The following RALGAPA1 variants were observed in gnomAD, a reference collection of about 807,000 sequenced individuals.
RALGAPA1 encodes Ral GTPase activating protein catalytic subunit alpha 1, also known as ral GTPase-activating protein subunit alpha-1.
RALGAPA1 carries 52 observed loss-of-function variants against 269.6 expected under a neutral mutation model. The observed-to-expected ratio is 0.19, with a 90% CI of 0.15 to 0.24. The LOEUF is 0.24. Among genes scored for constraint, RALGAPA1 ranks in the 10% least tolerant of loss-of-function variants. RALGAPA1 has a pLI of 1.00. For missense variants in RALGAPA1, 1,917 were observed against 3,013.9 expected (o/e 0.64, Z 8.52); for synonymous variants, 817 against 1,008.3 (o/e 0.81, Z 3.60).
chr14:35,699,196 A>G (rs1056243303), intron 17 of RALGAPA1, among the ~76,000 whole-genome samples: 8 of 152,210 alleles, frequency 5.3e-5, no homozygotes, highest in Non-Finnish European at 1.0e-4. Flanking sequence ...CAAAACAAGT[A>G]GGTTTCTTTG....
intron 18 of RALGAPA1, among the ~76,000 whole-genome samples, chr14:35,688,221 ATGT>A (rs1248302575): frequency 6.6e-5 from 10 of 152,288 alleles, no homozygotes; most frequent in Admixed American, 3.9e-4. Flanking sequence ...CCACTTTCCT[ATGT>A]TGTTGTTCAG....
rs1351941064 is a variant in RALGAPA1, at chr14:35,655,910, A to G, written c.5393T>C (p.Val1798Ala). The G allele has an allele frequency of 1.2e-6, 2 of 1,613,156 alleles. No individual in the cohort carries two copies. The highest frequency in any genetic ancestry group is 1.7e-6 in the Non-Finnish European group (2 of 1,179,596). The stretch of plus-strand genomic sequence containing the variant: ...CCAAATACCTAAACTACAAAGTGCT[A>G]CACATCTGCAAAAAAGGCAAACAAC... The part of the protein sequence containing the change: ...RDEPSGPARC[V>A]ALCSLGIWIC... The change falls in exon 29 of 42, where the codon GTA becomes GCA. Residue 1798 changes from valine to alanine, a missense_variant. Physicochemically the swap from Val to Ala is moderately conservative, Grantham distance 64 (BLOSUM62 0). Transcript: ENST00000680220.
At chr14:35,640,516 T>C (rs1304034502) in intron 31 of RALGAPA1, among the ~76,000 whole-genome samples, 1 of 152,122 alleles carries the variant, frequency 6.6e-6, no homozygotes, top group Non-Finnish European at 1.5e-5. Context: ...CCTAGACACA[T>C]AAAATCTATT....
At chr14:35,667,489 T>C (rs2064042841) in intron 26 of RALGAPA1, among the ~76,000 whole-genome samples, 1 of 152,218 alleles carries the variant, frequency 6.6e-6, no homozygotes, top group Non-Finnish European at 1.5e-5. Flanking sequence ...AAACGTAGTC[T>C]AAAGCAGTGC....
chr14:35,737,986 G>A (rs1307376676), intron 12 of RALGAPA1, among the ~76,000 whole-genome samples: 1 of 151,442 alleles, frequency 6.6e-6, no homozygotes, highest in Non-Finnish European at 1.5e-5. Flanking sequence ...TACTTGGGAG[G>A]CTGAGGCAGG....
chr14:35,802,853 T>G (rs1287598980), intron 1 of RALGAPA1, among the ~76,000 whole-genome samples: 1 of 151,864 alleles, frequency 6.6e-6, no homozygotes, highest in African/African-American at 2.4e-5. Context: ...AGCTATTTCT[T>G]TTTTTTCTCT....
intron 36 of RALGAPA1, among the ~76,000 whole-genome samples, chr14:35,599,416 C>T (rs1377186184): frequency 1.3e-5 from 2 of 152,160 alleles, no homozygotes; most frequent in Non-Finnish European, 2.9e-5. Context: ...TTTTGACCTT[C>T]TCTTCATTCC....
intron 36 of RALGAPA1, among the ~76,000 whole-genome samples, chr14:35,602,965 CA>C (rs978900461): frequency 8.5e-5 from 13 of 152,204 alleles, no homozygotes; most frequent in African/African-American, 3.1e-4. Flanking sequence ...GCATATGGCT[CA>C]TGGTCTCAGC....
chr14:35,551,815 T>C (rs1424135380), intron 39 of RALGAPA1, among the ~76,000 whole-genome samples: 1 of 152,068 alleles, frequency 6.6e-6, no homozygotes, highest in Non-Finnish European at 1.5e-5. Flanking sequence ...AGATATAACA[T>C]ACTCATTTTG....
intron 1 of RALGAPA1, among the ~76,000 whole-genome samples, chr14:35,776,947 C>G (rs2075080216): frequency 6.6e-6 from 1 of 151,922 alleles, no homozygotes; most frequent in Admixed American, 6.6e-5. Context: ...CTCTCATAAT[C>G]TCTGAGATCC....
At chr14:35,699,637 T>G (rs1595196250) in intron 17 of RALGAPA1, among the ~76,000 whole-genome samples, 1 of 152,092 alleles carries the variant, frequency 6.6e-6, no homozygotes, top group African/African-American at 2.4e-5. Flanking sequence ...ATATGTAATA[T>G]AAATACAAAG....
At chr14:35,602,184 T>C (rs1407521695) in intron 36 of RALGAPA1, among the ~76,000 whole-genome samples, 5 of 152,206 alleles carry the variant, frequency 3.3e-5, no homozygotes, top group African/African-American at 9.7e-5. Flanking sequence ...TTCCCTTTTA[T>C]TGGATACACC....
At chr14:35,690,346 A>T (rs1013776897) in intron 17 of RALGAPA1, among the ~76,000 whole-genome samples, 1 of 152,166 alleles carries the variant, frequency 6.6e-6, no homozygotes, top group African/African-American at 2.4e-5. Flanking sequence ...TTTCCTACTT[A>T]TTTACGTTCC....
chr14:35,571,242 G>A (rs2057164082), intron 38 of RALGAPA1, among the ~76,000 whole-genome samples: 1 of 152,154 alleles, frequency 6.6e-6, no homozygotes, highest in South Asian at 2.1e-4. Flanking sequence ...ACTCACTCAT[G>A]GTTTCAAAAC....
At chr14:35,783,228 G>C (rs905264038) in intron 1 of RALGAPA1, among the ~76,000 whole-genome samples, 1 of 152,016 alleles carries the variant, frequency 6.6e-6, no homozygotes, top group Non-Finnish European at 1.5e-5. Flanking sequence ...TGGAACAATT[G>C]AGAGTTCAGA....
intron 7 of RALGAPA1, among the ~76,000 whole-genome samples, chr14:35,755,667 C>T (rs1595442427): frequency 6.6e-6 from 1 of 152,178 alleles, no homozygotes; most frequent in Non-Finnish European, 1.5e-5. Context: ...GCACTGTGCA[C>T]TATTTAGGCC....
chr14:35,564,908 T>C (rs2056568852), intron 39 of RALGAPA1, among the ~76,000 whole-genome samples: 1 of 152,182 alleles, frequency 6.6e-6, no homozygotes, highest in Non-Finnish European at 1.5e-5. Context: ...TTCTTCACCC[T>C]TGGAACTCTT....
intron 17 of RALGAPA1, among the ~76,000 whole-genome samples, chr14:35,691,193 T>C (rs1454243421): frequency 1.3e-5 from 2 of 151,872 alleles, no homozygotes; most frequent in Non-Finnish European, 2.9e-5. Flanking sequence ...TTATCAAATT[T>C]ACAATAAAAA....
rs554137272 is a variant in RALGAPA1, at chr14:35,725,167, G to A, written c.1737-14C>T. ...AGCATCTGTTCCCTTAAAATAAAAAGACTGATTAATGTTTCCTTCTTGCAT... is the reference window on the plus strand; with the variant it reads ...AGCATCTGTTCCCTTAAAATAAAAAAACTGATTAATGTTTCCTTCTTGCAT... On this transcript the variant is annotated splice_polypyrimidine_tract_variant and intron_variant, in intron 13 of 41. Transcript: ENST00000680220. 3.3e-6 allele frequency: 5 copies of A among 1,522,460 alleles called. No individual in the cohort carries two copies. The East Asian group carries it at 1.2e-4, about 37-fold the overall frequency. 94.3% of individuals were successfully genotyped at this position (1,522,460 alleles called of 1,614,324 possible). A position where few individuals can be genotyped will look rare whatever the true frequency, so the allele number is the denominator to read the frequency against.
Sources: allele counts gnomAD v4.1 joint callset (sites outside exome capture counted in the v4.1 genomes callset), GRCh38; gene constraint gnomAD v4.1.1; transcripts MANE v1.5; gene names NCBI Gene and HGNC (gene_info 2026-07-23, HGNC 2026-07-21).